The following ZNF557 variants were observed in gnomAD, a reference collection of about 807,000 sequenced individuals.
ZNF557 encodes CTB-25J19.9.
Under a neutral mutation model 21.2 loss-of-function variants are expected in ZNF557, and 19 were observed. That is an observed-to-expected ratio of 0.90 (90% CI 0.63 to 1.32). The LOEUF (loss-of-function observed/expected upper bound fraction) is 1.32, where lower values mean the gene tolerates loss of function less well. Ranked by LOEUF, ZNF557 falls within the 40% of genes most tolerant of loss-of-function variation. The pLI is 0.00. For synonymous variants in ZNF557, 207 were observed against 194.8 expected (o/e 1.06, Z -0.52); for missense variants, 487 against 519.8 (o/e 0.94, Z 0.61).
At chr19:7,073,965 C>T (rs1424824803) in intron 2 of ZNF557, among the ~76,000 whole-genome samples, 3 of 151,624 alleles carry the variant, frequency 2.0e-5, no homozygotes, top group Admixed American at 6.6e-5. Flanking sequence ...CGCCTGCCCC[C>T]GCCCCCACCA....
Position 7,083,455 on chromosome 19 carries a change from T to G in ZNF557, c.1004T>G (p.Leu335Arg), listed in dbSNP as rs775089753. Residue 335 changes from leucine (L) to arginine (R), a missense_variant, in exon 8 of 8, where the codon CTG becomes CGG. Coordinates refer to ENST00000252840, the MANE Select transcript of ZNF557 (RefSeq NM_024341.3). ...CGRTFRRRSN[L>R]TQHIRTHTGE... ...AGAACCTTCAGGAGGAGGTCGAATC[T>G]GACACAGCACATAAGAACTCATACT... The G allele has an allele frequency of 1.1e-5, 17 of 1,614,200 alleles. No homozygotes were observed. The South Asian group carries it at 1.3e-4, about 13-fold the overall frequency.
At position 7,083,645 on chromosome 19, in the gene ZNF557, C is replaced by T. The variant is rs774992198; in HGVS notation, c.1194C>T (p.His398=). 3 of 1,613,834 alleles carry T rather than the reference C, an allele frequency of 1.9e-6. No individual in the cohort carries two copies. The highest frequency in any genetic ancestry group is 2.5e-6 in the Non-Finnish European group (3 of 1,179,910). Residue 398 remains histidine (H), a synonymous_variant, in exon 8 of 8, where the codon CAC becomes CAT. Transcript: ENST00000252840. ...LSSVKKHMRT[H]TGKKPYECNY... ...CCGTTAAGAAACACATGAGAACTCA[C>T]ACTGGAAAAAAACCCTATGAATGTA...
chr19:7,081,837 T>G, intron 6 of ZNF557, 133 bp from the exon 7 acceptor site: 1 of 660,096 alleles, frequency 1.5e-6, no homozygotes, highest in Non-Finnish European at 2.7e-6. Context: ...CATATCTCTT[T>G]CACCGAATGC....
chr19:7,075,953 T>A (rs1410141299), intron 4 of ZNF557, among the ~76,000 whole-genome samples: 1 of 152,148 alleles, frequency 6.6e-6, no homozygotes, highest in Non-Finnish European at 1.5e-5. Flanking sequence ...CATCATGTGC[T>A]CCTGAGAGTT....
In ZNF557 at chr19:7,070,626, A is replaced by T. The variant is rs556229074; in HGVS notation, c.-107A>T. Reference sequence around the variant, plus strand: ...CCAGCCTCAAGTTTCACCTATCCTCACTGATCCGTGGACTTCTGTATGATC... The same window carrying T: ...CCAGCCTCAAGTTTCACCTATCCTCTCTGATCCGTGGACTTCTGTATGATC... On this transcript the variant is annotated 5_prime_UTR_variant, in exon 2 of 8. Transcript: ENST00000252840. The T allele has an allele frequency of 6.6e-6, 1 of 152,114 alleles. No individual in the cohort carries two copies. The highest frequency in any genetic ancestry group is 1.5e-5 in the Non-Finnish European group (1 of 68,028). The allele number at this position is 152,114 out of a possible 1,614,324, so 9.4% of individuals were successfully genotyped here.
In ZNF557 at chr19:7,085,544, A is replaced by G. The variant is rs2145180669; in HGVS notation, c.*1800A>G. On this transcript the variant is annotated 3_prime_UTR_variant, in exon 8 of 8. Coordinates refer to ENST00000252840, the MANE Select transcript of ZNF557 (RefSeq NM_024341.3). Reference sequence around the variant, plus strand: ...GGAAAAATATGTAAATGTTCCTTGGATGCAATACTCACGAGTGTATTAATT... The same window carrying G: ...GGAAAAATATGTAAATGTTCCTTGGGTGCAATACTCACGAGTGTATTAATT... 1 of 152,338 alleles carries G rather than the reference A, an allele frequency of 6.6e-6. No homozygotes were observed. The highest frequency in any genetic ancestry group is 1.9e-4 in the East Asian group (1 of 5,190). The allele number at this position is 152,338 out of a possible 1,614,324, so 9.4% of individuals were successfully genotyped here. A position where few individuals can be genotyped will look rare whatever the true frequency, so the allele number is the denominator to read the frequency against.
rs912449084 is a variant in ZNF557, at chr19:7,083,139, C to G, written c.688C>G (p.His230Asp). ...RSYLTVHKRIHNGEKPYECSD... is the reference protein window; with the variant it reads ...RSYLTVHKRIDNGEKPYECSD... ...TTACCTTACTGTTCATAAGAGAATC[C>G]ACAATGGGGAGAAACCCTACGAATG... Residue 230 changes from histidine (H) to aspartate (D), a missense_variant, in exon 8 of 8, where the codon CAC (histidine) becomes GAC (aspartate). By Grantham distance (81) the His-to-Asp change is moderately conservative. Coordinates refer to ENST00000252840, the MANE Select transcript of ZNF557 (RefSeq NM_024341.3). The G allele has an allele frequency of 3.7e-6, 6 of 1,614,038 alleles. No homozygotes were observed. Among genetic ancestry groups the G allele is most frequent in the Non-Finnish European group, 5.1e-6 (6 of 1,180,032 alleles).
At chr19:7,080,932 T>C (rs1977685798) in intron 5 of ZNF557, among the ~76,000 whole-genome samples, 1 of 152,170 alleles carries the variant, frequency 6.6e-6, no homozygotes, top group Non-Finnish European at 1.5e-5. Flanking sequence ...CCTAGGTCTG[T>C]GCTGGGATGT....
rs1044830277 is a variant in ZNF557 at position 7,087,895 on chromosome 19, G to T, written c.*4151G>T. 1 of 152,256 alleles carries T rather than the reference G, an allele frequency of 6.6e-6. No individual in the cohort carries two copies. The highest frequency in any genetic ancestry group is 2.1e-4 in the South Asian group (1 of 4,826). 9.4% of individuals were successfully genotyped at this position (152,256 alleles called of 1,614,324 possible). On this transcript the variant is annotated 3_prime_UTR_variant, in exon 8 of 8. Transcript: ENST00000252840. ...CAAACTGTGTTTTTCAATTTGTACT[G>T]TATTTGTTTCTCTCGACCTGACTTA...
At chr19:7,070,297 C>T (rs1977432885) in intron 1 of ZNF557, among the ~76,000 whole-genome samples, 1 of 152,200 alleles carries the variant, frequency 6.6e-6, no homozygotes, top group South Asian at 2.1e-4. Context: ...ATACAATCTC[C>T]AGCCAAATGA....
chr19:7,076,011 A>G (rs1977581607), intron 4 of ZNF557, among the ~76,000 whole-genome samples: 1 of 152,156 alleles, frequency 6.6e-6, no homozygotes, highest in African/African-American at 2.4e-5. Flanking sequence ...AACCCAAGCA[A>G]TTAATAAAGG....
chr19:7,076,121 G>A (rs1400596013), intron 4 of ZNF557, among the ~76,000 whole-genome samples: 1 of 152,180 alleles, frequency 6.6e-6, no homozygotes, highest in East Asian at 1.9e-4. Flanking sequence ...AAGATCATAG[G>A]AGCTCCCAGT....
intron 5 of ZNF557, among the ~76,000 whole-genome samples, chr19:7,079,801 C>A (rs982638705): frequency 6.6e-6 from 1 of 152,046 alleles, no homozygotes; most frequent in Non-Finnish European, 1.5e-5. Context: ...ATACCTGGAA[C>A]CCAAAAGATG....
In ZNF557 at chr19:7,087,194, T is replaced by TC. The variant is rs1182136295; in HGVS notation, c.*3450_*3451insC. Reference sequence around the variant, plus strand: ...GGAAAGTGGACACAAAGCATAGAGTTAAAAGAGCTTTTTTTTTTTTTTTTT... The same window carrying TC: ...GGAAAGTGGACACAAAGCATAGAGTTCAAAAGAGCTTTTTTTTTTTTTTTTT... On this transcript the variant is annotated 3_prime_UTR_variant, in exon 8 of 8. Coordinates refer to ENST00000252840, the MANE Select transcript of ZNF557 (RefSeq NM_024341.3). 6 of 145,086 alleles carry TC rather than the reference T, an allele frequency of 4.1e-5. No homozygotes were observed. In the East Asian group the frequency reaches 1.1e-3, roughly 26 times the overall value. The allele number at this position is 145,086 out of a possible 1,614,324, so 9.0% of individuals were successfully genotyped here.
chr19:7,072,115 CAAAAA>C (rs71177148), intron 2 of ZNF557, among the ~76,000 whole-genome samples: 6 of 67,360 alleles, frequency 8.9e-5, no homozygotes, highest in South Asian at 5.5e-4. Flanking sequence ...GACTCCGTCT[CAAAAA>C]AAAAAAAAAA....
At chr19:7,075,814 G>A (rs1977577325) in intron 4 of ZNF557, 71 bp downstream of exon 4, 1 of 1,577,954 alleles carries the variant, frequency 6.3e-7, no homozygotes, top group Admixed American at 1.7e-5. Context: ...GCCTTTCAGT[G>A]GCCTGGAGCC....
At chr19:7,077,025 G>A (rs1480719646) in intron 5 of ZNF557, among the ~76,000 whole-genome samples, 2 of 151,694 alleles carry the variant, frequency 1.3e-5, no homozygotes, top group African/African-American at 2.4e-5. Flanking sequence ...TGGGATTACA[G>A]ATGTGAGCTA....
chr19:7,082,476 AT>A (rs1977733233), intron 7 of ZNF557, among the ~76,000 whole-genome samples: 1 of 151,120 alleles, frequency 6.6e-6, no homozygotes, highest in Non-Finnish European at 1.5e-5. Flanking sequence ...GGAAAGTGTC[AT>A]TTTTTTCAAA....
At chr19:7,072,133 A>AAAAAT (rs1977475472) in intron 2 of ZNF557, among the ~76,000 whole-genome samples, 1 of 149,652 alleles carries the variant, frequency 6.7e-6, no homozygotes, top group African/African-American at 2.5e-5. Flanking sequence ...AAAAAAAAAA[A>AAAAAT]AAAAATACAG....
Sources: gnomAD v4.1 joint callset for allele counts (sites outside exome capture counted in the v4.1 genomes callset) on GRCh38, gnomAD v4.1.1 for gene constraint, MANE v1.5 for transcripts, NCBI Gene and HGNC (gene_info 2026-07-23, HGNC 2026-07-21) for gene names.